The following AGRN variants were observed in gnomAD, a reference collection of about 807,000 sequenced individuals.
The protein encoded by AGRN is agrin, also known as agrin proteoglycan.
In AGRN, 106 loss-of-function variants were observed where a neutral mutation model predicts 211.0. That is an observed-to-expected ratio of 0.50 (90% CI 0.43 to 0.59). AGRN has a LOEUF of 0.59. AGRN is among the 20% of genes least tolerant of loss of function. AGRN has a pLI of 0.00. For synonymous variants in AGRN, 1,525 were observed against 1,332.5 expected (o/e 1.14, Z -3.15); for missense variants, 3,040 against 2,982.6 (o/e 1.02, Z -0.45).
intron 2 of AGRN, chr1:1,034,109 C>T (rs1644742557): frequency 1.0e-6 from 1 of 985,232 alleles, no homozygotes; most frequent in Non-Finnish European, 1.2e-6. Flanking sequence ...TCCTGCCTGC[C>T]CGCTCCTATC....
chr1:1,024,990 G>A (rs1051386522), intron 2 of AGRN, among the ~76,000 whole-genome samples: 8 of 152,076 alleles, frequency 5.3e-5, no homozygotes, highest in Admixed American at 1.3e-4. Flanking sequence ...TCCGGCCCTC[G>A]CCACCCTGTC....
In AGRN at chr1:1,043,408, G is replaced by A. The variant is rs376783529; in HGVS notation, c.1554G>A (p.Thr518=). 36 of 1,608,180 alleles carry A rather than the reference G, an allele frequency of 2.2e-5. No individual in the cohort carries two copies. The highest frequency in any genetic ancestry group is 3.3e-5 in the South Asian group (3 of 90,576). Residue 518 remains threonine (T), a synonymous_variant, in exon 8 of 36, where the codon ACG becomes ACA. Transcript: ENST00000379370. ...TYGSACELEA[T]ACTLGREIQV... ...GCAGCGCGTGCGAGCTGGAGGCCAC[G>A]GCCTGTACCCTCGGGCGGGAGATCC...
In AGRN at chr1:1,048,595, A is replaced by G. The variant is rs969621885; in HGVS notation, c.4105+230A>G. The G allele has an allele frequency of 1.2e-5, 7 of 589,038 alleles. No individual in the cohort carries two copies. The highest frequency in any genetic ancestry group is 9.5e-5 in the Admixed American group (3 of 31,514). 36.5% of individuals were successfully genotyped at this position (589,038 alleles called of 1,614,324 possible). A position where few individuals can be genotyped will look rare whatever the true frequency, so the allele number is the denominator to read the frequency against. On this transcript the variant is annotated intron_variant, in intron 23 of 35. Coordinates refer to ENST00000379370, the MANE Select transcript of AGRN (RefSeq NM_198576.4). The surrounding 1 kb of genome is among the most constrained non-coding windows in gnomAD (Gnocchi z 5.9). ...AGACCAGCCTGACCAACATGGAGACACTCTGTCTCTACTAAAAATACAAAA... is the reference window on the plus strand; with the variant it reads ...AGACCAGCCTGACCAACATGGAGACGCTCTGTCTCTACTAAAAATACAAAA...
chr1:1,021,409 C>G (rs1644399578), intron 1 of AGRN, among the ~76,000 whole-genome samples: 1 of 152,218 alleles, frequency 6.6e-6, no homozygotes, highest in South Asian at 2.1e-4. Context: ...GAGGGGGTCC[C>G]TGCGGATGCC....
chr1:1,044,532 C>A (rs190142081), intron 12 of AGRN, 93 bp downstream of exon 12: 3 of 1,291,336 alleles, frequency 2.3e-6, no homozygotes, highest in African/African-American at 1.5e-5. Flanking sequence ...CTGCGTTGGG[C>A]CCCTGTGGAC....
At chr1:1,035,348 A>C (rs1278451219) in intron 3 of AGRN, 24 bp downstream of exon 3, 3 of 1,612,578 alleles carry the variant, frequency 1.9e-6, no homozygotes, top group Non-Finnish European at 2.5e-6. Flanking sequence ...AGTTCGGGGG[A>C]CCTGGATGGG....
At chr1:1,051,673 A>T in intron 32 of AGRN, 28 bp downstream of exon 32, 1 of 1,612,874 alleles carries the variant, frequency 6.2e-7, no homozygotes, top group Non-Finnish European at 8.5e-7. Context: ...CAGGGGGCGG[A>T]GGCCGGATGG....
rs1267920091 is a variant in AGRN at position 1,040,680 on chromosome 1, T to A, written c.527T>A (p.Leu176Gln). 1 of 1,547,488 alleles carries A rather than the reference T, an allele frequency of 6.5e-7. No individual in the cohort carries two copies. Among genetic ancestry groups the A allele is most frequent in the African/African-American group, 1.4e-5 (1 of 72,968 alleles). The change falls in exon 4 of 36, where the codon CTG (leucine) becomes CAG (glutamine). Residue 176 changes from leucine (L) to glutamine (Q), a missense_variant. By Grantham distance (113) the Leu-to-Gln change is moderately radical. Around this residue, in one of 3 missense-constraint regions of AGRN, gnomAD observed 1,498 missense variants for 1,457.8 expected, o/e 1.03. Coordinates refer to ENST00000379370, the MANE Select transcript of AGRN (RefSeq NM_198576.4). ...PTPPDACRGMLCGFGAVCEPN... is the reference protein window; with the variant it reads ...PTPPDACRGMQCGFGAVCEPN... Reference sequence around the variant, plus strand: ...CCCGCCCCAGCGTGCCGGGGAATGCTGTGCGGCTTCGGCGCCGTGTGCGAG... The same window carrying A: ...CCCGCCCCAGCGTGCCGGGGAATGCAGTGCGGCTTCGGCGCCGTGTGCGAG...
intron 2 of AGRN, among the ~76,000 whole-genome samples, 163 bp downstream of exon 2, chr1:1,022,625 C>T (rs892581358): frequency 3.4e-5 from 3 of 88,956 alleles, no homozygotes; most frequent in Admixed American, 1.2e-4. Flanking sequence ...CCGTCCCTGG[C>T]TCCCCAGCTG....
At chr1:1,042,764 G>A (rs919808753) in intron 7 of AGRN, among the ~76,000 whole-genome samples, 1 of 151,964 alleles carries the variant, frequency 6.6e-6, no homozygotes, top group African/African-American at 2.4e-5. Flanking sequence ...CCCCTGGTGC[G>A]GCAGGGGGGG....
At chr1:1,037,839 G>A (rs539859913) in intron 3 of AGRN, among the ~76,000 whole-genome samples, 273 of 152,258 alleles carry the variant, frequency 1.8e-3, no homozygotes, top group African/African-American at 6.3e-3. Flanking sequence ...GAGACATCTC[G>A]GGGCGTGGCT....
chr1:1,052,818 CGCA>C lies in AGRN; in HGVS notation c.5652-933_5652-931del, dbSNP rs370285367. On this transcript the variant is annotated intron_variant, in intron 33 of 35. Coordinates refer to ENST00000379370, the MANE Select transcript of AGRN (RefSeq NM_198576.4). ...TATGTGTGTGTATATGAGGGAGACA[CGCA>C]GGTGTGTGTCCGAGTGTGTGTCCAT... 7.1e-3 allele frequency: 1,046 copies of C among 146,306 alleles called. 18 individuals carry two copies. The highest frequency in any genetic ancestry group is 0.046 in the South Asian group (210 of 4,524). 9.1% of individuals were successfully genotyped at this position (146,306 alleles called of 1,614,324 possible). A position where few individuals can be genotyped will look rare whatever the true frequency, so the allele number is the denominator to read the frequency against.
chr1:1,035,181 G>C (rs77767179), intron 2 of AGRN, 96 bp from the exon 3 acceptor site: 13 of 1,064,188 alleles, frequency 1.2e-5, no homozygotes, highest in African/African-American at 1.8e-5. Context: ...GGGGGGGGGG[G>C]GTGGGCAGGG....
chr1:1,042,233 G>T (rs1644964967), intron 7 of AGRN, 71 bp downstream of exon 7: 1 of 1,495,044 alleles, frequency 6.7e-7, no homozygotes, highest in Admixed American at 2.0e-5. Context: ...GACATCACAT[G>T]CCATCTTCAT....
chr1:1,052,763 G>A (rs1645342375), intron 33 of AGRN: 1 of 150,018 alleles, frequency 6.7e-6, no homozygotes, highest in Non-Finnish European at 1.4e-5. Context: ...ATGGGTCCAT[G>A]TGTGTATAGT....
intron 22 of AGRN, 54 bp from the exon 23 acceptor site, chr1:1,047,958 C>G: frequency 6.3e-7 from 1 of 1,577,504 alleles, no homozygotes; most frequent in Non-Finnish European, 8.6e-7. Context: ...CCCTGCCCCT[C>G]ACCCCTTCCT....
chr1:1,052,914 G>C (rs1645348714), intron 33 of AGRN: 1 of 164,694 alleles, frequency 6.1e-6, no homozygotes, highest in African/African-American at 2.4e-5. Flanking sequence ...ATGGGTCCGT[G>C]TATATGCGTG....
chr1:1,033,713 C>G (rs1425816519), intron 2 of AGRN, among the ~76,000 whole-genome samples: 8 of 136,096 alleles, frequency 5.9e-5, no homozygotes, highest in African/African-American at 8.3e-5. Flanking sequence ...GTCCCACCCC[C>G]AGTCCCAACA....
At chr1:1,049,484 C>G (rs1345389367) in intron 25 of AGRN, 33 bp downstream of exon 25, 1 of 1,600,488 alleles carries the variant, frequency 6.2e-7, no homozygotes, top group Non-Finnish European at 8.5e-7. Flanking sequence ...TGGCCCCGAC[C>G]CCGGCCCTTT....
Sources: allele counts gnomAD v4.1 joint callset (sites outside exome capture counted in the v4.1 genomes callset), GRCh38; gene constraint gnomAD v4.1.1; regional missense constraint gnomAD v4.1.1; non-coding constraint Gnocchi (gnomAD v3.1); transcripts MANE v1.5; gene names NCBI Gene and HGNC (gene_info 2026-07-23, HGNC 2026-07-21).